AOPEP: variants seen among roughly 807,000 people sequenced by gnomAD.
AOPEP encodes the protein aminopeptidase O.
A neutral mutation model predicts 98.1 loss-of-function variants in AOPEP; 77 were observed. That is an observed-to-expected ratio of 0.78 (90% CI 0.65 to 0.95). The LOEUF is 0.95. Ranked by LOEUF, AOPEP falls within the 40% of genes least tolerant of loss-of-function variation. The pLI, the probability that AOPEP is intolerant of heterozygous loss-of-function variation, is 0.00. For synonymous variants in AOPEP, 346 were observed against 365.3 expected (o/e 0.95, Z 0.60); for missense variants, 1,024 against 1,024.7 (o/e 1.00, Z 0.01).
chr9:95,102,877 C>G, the AOPEP span, among the ~76,000 whole-genome samples: 151,876 of 152,348 alleles, frequency 1, 75,705 homozygotes, highest in Middle Eastern at 1. Flanking sequence ...CTCGGCCCCC[C>G]CTGGCAGCAC....
chr9:95,110,581 A>AAAACT, the AOPEP span: 15 of 1,035,074 alleles, frequency 1.4e-5, no homozygotes, highest in African/African-American at 2.5e-4. Flanking sequence ...TTTAAAATCT[A>AAAACT]AAACTATTTT....
rs919644766 is a variant in AOPEP at position 94,972,075 on chromosome 9, T to A, written c.1916+4274T>A. 6.6e-6 allele frequency among the ~76,000 whole-genome samples: 1 copy of A among 152,124 alleles called. No individual in the cohort carries two copies. The highest frequency in any genetic ancestry group is 2.4e-5 in the African/African-American group (1 of 41,420). On this transcript the variant is annotated intron_variant, in intron 10 of 16. Coordinates refer to ENST00000375315, the MANE Select transcript of AOPEP (RefSeq NM_001193329.3). This position sits in a 1 kb window ranked among gnomAD's most constrained non-coding sequence, Gnocchi z 4.2. ...AAACAATTAGAAACCAATAGAGCGG[T>A]TCAGTCAAGAGACCTGGAGAGGTGG...
At chr9:95,051,089 C>CTTTTT (rs34143867) in intron 13 of AOPEP, among the ~76,000 whole-genome samples, 60 of 129,888 alleles carry the variant, frequency 4.6e-4, no homozygotes, top group Non-Finnish European at 6.3e-4. Flanking sequence ...TTGTGGCTTA[C>CTTTTT]TTTTTTTTTT....
At position 94,745,665 on chromosome 9, in the gene AOPEP, C is replaced by T. The variant is rs576242533; in HGVS notation, c.-135-13984C>T. Among the ~76,000 whole-genome samples the T allele has an allele frequency of 5.3e-5, 8 of 152,262 alleles. No individual in the cohort carries two copies. In the East Asian group the frequency reaches 1.4e-3, roughly 26 times the overall value. ...TTTTTTCACTTAACATAATGTTCTCCGTTTCCATCCATATTGTTGCAAATG... is the reference window on the plus strand; with the variant it reads ...TTTTTTCACTTAACATAATGTTCTCTGTTTCCATCCATATTGTTGCAAATG... On this transcript the variant is annotated intron_variant, in intron 1 of 16. Transcript: ENST00000375315.
chr9:95,072,506 A>T (rs2068612026), intron 14 of AOPEP, among the ~76,000 whole-genome samples: 1 of 152,056 alleles, frequency 6.6e-6, no homozygotes, highest in African/African-American at 2.4e-5. Context: ...AGTGGCATGC[A>T]CCTGTAGTCC....
At chr9:95,004,054 C>T in intron 11 of AOPEP, 1 of 339,876 alleles carries the variant, frequency 2.9e-6, no homozygotes, top group Non-Finnish European at 5.8e-6. Flanking sequence ...TGATCTAAAC[C>T]TTTTGATCTT....
intron 5 of AOPEP, among the ~76,000 whole-genome samples, chr9:94,898,934 C>T (rs966229029): frequency 2.6e-5 from 4 of 151,982 alleles, no homozygotes; most frequent in Non-Finnish European, 5.9e-5. Context: ...CAGAGCGAGC[C>T]TGGGCACTGT....
intron 13 of AOPEP, among the ~76,000 whole-genome samples, chr9:95,057,681 C>G (rs1393753772): frequency 2.0e-5 from 3 of 152,208 alleles, no homozygotes; most frequent in Admixed American, 6.5e-5. Context: ...GTTTTATTGT[C>G]TGTGTCCCAA....
chr9:94,896,220 TACAA>T (rs942074705), intron 5 of AOPEP, among the ~76,000 whole-genome samples: 22 of 152,204 alleles, frequency 1.4e-4, no homozygotes, highest in East Asian at 3.8e-4. Flanking sequence ...TTTTCTGATT[TACAA>T]ACAAACAGTT....
intron 5 of AOPEP, among the ~76,000 whole-genome samples, chr9:94,923,326 C>T (rs2053872811): frequency 6.6e-6 from 1 of 152,160 alleles, no homozygotes; most frequent in Non-Finnish European, 1.5e-5. Context: ...GGGATAACTC[C>T]CTGCCTTCTT....
intron 5 of AOPEP, among the ~76,000 whole-genome samples, chr9:94,901,455 T>A (rs2050393324): frequency 6.6e-6 from 1 of 151,984 alleles, no homozygotes; most frequent in Admixed American, 6.6e-5. Context: ...ATGATCGGTG[T>A]TTATCTAGTA....
intron 13 of AOPEP, among the ~76,000 whole-genome samples, chr9:95,052,224 A>T (rs2066439316): frequency 6.6e-6 from 1 of 152,224 alleles, no homozygotes; most frequent in Non-Finnish European, 1.5e-5. Context: ...TTTCAATGTG[A>T]TAAACATTTG....
At chr9:94,730,843 A>G (rs953232292) in intron 1 of AOPEP, among the ~76,000 whole-genome samples, 1 of 152,200 alleles carries the variant, frequency 6.6e-6, no homozygotes. Flanking sequence ...GGTGGTTGTA[A>G]TTCTGACTGG....
the AOPEP span, chr9:95,111,236 G>GA: frequency 6.5e-7 from 1 of 1,537,756 alleles, no homozygotes; most frequent in Non-Finnish European, 8.7e-7. Context: ...TTTTGCAGGA[G>GA]AATGGGCTGG....
intron 5 of AOPEP, among the ~76,000 whole-genome samples, chr9:94,907,715 C>G (rs563099843): frequency 2.0e-5 from 3 of 152,170 alleles, no homozygotes; most frequent in Non-Finnish European, 4.4e-5. Context: ...TCCCTTGCAG[C>G]AACCCCTCTT....
chr9:94,924,939 G>A (rs1176056807), intron 6 of AOPEP, among the ~76,000 whole-genome samples: 1 of 152,234 alleles, frequency 6.6e-6, no homozygotes, highest in Non-Finnish European at 1.5e-5. Flanking sequence ...CAGTTCCAAT[G>A]AGGATGATAA....
chr9:95,080,117 G>A (rs754419133), intron 14 of AOPEP, among the ~76,000 whole-genome samples: 5 of 152,202 alleles, frequency 3.3e-5, no homozygotes, highest in Non-Finnish European at 5.9e-5. Context: ...TATGCTTTGC[G>A]TTTAGTATCT....
At chr9:94,877,675 C>T (rs559450258) in intron 5 of AOPEP, among the ~76,000 whole-genome samples, 125 of 152,252 alleles carry the variant, frequency 8.2e-4, no homozygotes, top group Non-Finnish European at 1.4e-3. Flanking sequence ...CCCACCTTGG[C>T]CTCCTAAAGT....
At position 95,054,271 on chromosome 9, in the gene AOPEP, T is replaced by C. The variant is rs114523677; in HGVS notation, c.2116-6423T>C. Among the ~76,000 whole-genome samples, 1,051 of 152,298 alleles carry C rather than the reference T, an allele frequency of 6.9e-3. 10 individuals are homozygous for C. The highest frequency in any genetic ancestry group is 0.024 in the African/African-American group (998 of 41,556). On this transcript the variant is annotated intron_variant, in intron 13 of 16. Transcript: ENST00000375315. ...TTTCCCTTTGGCCCCTTGTAATTGG[T>C]CTGGCAGGATCTGGGGTTGGGGAGG...
Sources: allele counts gnomAD v4.1 joint callset (sites outside exome capture counted in the v4.1 genomes callset), GRCh38; gene constraint gnomAD v4.1.1; non-coding constraint Gnocchi (gnomAD v3.1); transcripts MANE v1.5; gene names NCBI Gene and HGNC (gene_info 2026-07-23, HGNC 2026-07-21).